The following RMND5A variants were observed in gnomAD, a reference collection of about 807,000 sequenced individuals.
RMND5A encodes the protein E3 ubiquitin-protein transferase RMND5A.
In RMND5A, 17 loss-of-function variants were observed where a neutral mutation model predicts 49.7. That is an observed-to-expected ratio of 0.34 (90% CI 0.23 to 0.51). The LOEUF is 0.51. Among genes scored for constraint, RMND5A ranks in the 20% least tolerant of loss-of-function variants. RMND5A has a pLI of 0.96. For synonymous variants in RMND5A, 156 were observed against 167.7 expected (o/e 0.93, Z 0.54); for missense variants, 255 against 471.3 (o/e 0.54, Z 4.25).
chr2:86,762,161 A>G (rs1672499067), intron 4 of RMND5A, among the ~76,000 whole-genome samples: 4 of 152,246 alleles, frequency 2.6e-5, no homozygotes. Context: ...AGACTGTTAC[A>G]GAAATCACTG....
chr2:86,770,883 C>G (rs1198764832), intron 7 of RMND5A, among the ~76,000 whole-genome samples: 1 of 152,208 alleles, frequency 6.6e-6, no homozygotes, highest in Non-Finnish European at 1.5e-5. Flanking sequence ...CACTGAGGCT[C>G]TGGCCTGGAA....
Position 86,725,890 on chromosome 2 carries a change from T to C in RMND5A, c.142+5081T>C, listed in dbSNP as rs1681280618. Among the ~76,000 whole-genome samples, 3 of 77,808 alleles carry C rather than the reference T, an allele frequency of 3.9e-5. 1 individual carries two copies. 51.0% of individuals were successfully genotyped at this position (77,808 alleles called of 152,430 possible). ...GCACCTAAAACTCCTTTGGTGTGTG[T>C]GTATGTTGTGACTTCTAGTAGTAAA... On this transcript the variant is annotated intron_variant, in intron 1 of 8. Coordinates refer to ENST00000283632, the MANE Select transcript of RMND5A (RefSeq NM_022780.4).
chr2:86,762,693 TATATATCATATATATCATA>T (rs1558725568), intron 4 of RMND5A, among the ~76,000 whole-genome samples: 1 of 5,546 alleles, frequency 1.8e-4, no homozygotes, highest in African/African-American at 6.8e-4. Flanking sequence ...ATATATATCA[TATATATCATATATATCATA>T]TATATCATAT....
At chr2:86,755,484 T>C (rs1249112751) in intron 4 of RMND5A, among the ~76,000 whole-genome samples, 2 of 152,234 alleles carry the variant, frequency 1.3e-5, no homozygotes, top group Non-Finnish European at 2.9e-5. Context: ...GATTAGCAAA[T>C]AATATTTGGG....
chr2:86,753,524 G>T lies in RMND5A; in HGVS notation c.487G>T (p.Ala163Ser), dbSNP rs1291336366. The stretch of plus-strand genomic sequence containing the variant: ...TGTGGAGTTAAATAGAATATTAGAG[G>T]CATTAAAGGTCAGAGTTCTGAGACC... ...PFVELNRILEALKVRVLRPAL... is the reference protein window; with the variant it reads ...PFVELNRILESLKVRVLRPAL... Residue 163 changes from alanine to serine, a missense_variant, in exon 4 of 9, where the codon GCA (alanine) becomes TCA (serine). Ala to Ser is a moderately conservative substitution (Grantham distance 99). Transcript: ENST00000283632. The T allele has an allele frequency of 1.2e-6, 2 of 1,611,044 alleles. No homozygotes were observed. The highest frequency in any genetic ancestry group is 1.7e-6 in the Non-Finnish European group (2 of 1,177,624).
chr2:86,750,968 C>T (rs1311493244), intron 2 of RMND5A, among the ~76,000 whole-genome samples: 2 of 152,014 alleles, frequency 1.3e-5, no homozygotes, highest in Non-Finnish European at 2.9e-5. Context: ...AATAACTGCC[C>T]TAAAGTTTTG....
chr2:86,772,326 A>G (rs1228337978), intron 8 of RMND5A, among the ~76,000 whole-genome samples: 2 of 152,026 alleles, frequency 1.3e-5, no homozygotes, highest in Non-Finnish European at 2.9e-5. Flanking sequence ...GTGGTGGCGG[A>G]CACCTGTAGT....
Position 86,777,246 on chromosome 2 carries a change from G to T in RMND5A, c.*3835G>T, listed in dbSNP as rs1031218055. ...GCTTACAGCACATGCTTTGTTTCAT[G>T]TTATGGGTGAGGACCTACATACACT... is the stretch of plus-strand genomic sequence containing the variant. On this transcript the variant is annotated 3_prime_UTR_variant, in exon 9 of 9. Coordinates refer to ENST00000283632, the MANE Select transcript of RMND5A (RefSeq NM_022780.4). 5 of 152,204 alleles carry T rather than the reference G, an allele frequency of 3.3e-5. No individual in the cohort carries two copies. The highest frequency in any genetic ancestry group is 1.2e-4 in the African/African-American group (5 of 41,444). 9.4% of individuals were successfully genotyped at this position (152,204 alleles called of 1,614,324 possible). A position where few individuals can be genotyped will look rare whatever the true frequency, so the allele number is the denominator to read the frequency against.
intron 5 of RMND5A, 50 bp downstream of exon 5, chr2:86,765,243 C>A: frequency 1.4e-6 from 2 of 1,476,156 alleles, no homozygotes; most frequent in Non-Finnish European, 1.9e-6. Context: ...GCTATAGCCA[C>A]CACTGTAACT....
chr2:86,763,481 G>C (rs540874609), intron 4 of RMND5A, among the ~76,000 whole-genome samples: 8 of 152,100 alleles, frequency 5.3e-5, no homozygotes, highest in Non-Finnish European at 1.0e-4. Flanking sequence ...ACCACTGCCA[G>C]AAGTATTTTG....
intron 6 of RMND5A, among the ~76,000 whole-genome samples, chr2:86,768,918 G>A (rs1029731807): frequency 2.0e-5 from 3 of 152,086 alleles, no homozygotes; most frequent in Non-Finnish European, 4.4e-5. Flanking sequence ...AACCTTTTTT[G>A]GCACTAATGT....
chr2:86,767,067 T>C (rs1333794317), intron 6 of RMND5A, among the ~76,000 whole-genome samples: 5 of 152,154 alleles, frequency 3.3e-5, no homozygotes, highest in African/African-American at 1.2e-4. Context: ...GTTACTTGTT[T>C]TTTTCTTGCT....
In RMND5A at chr2:86,720,508, C is replaced by T; in HGVS notation, c.-160C>T. On this transcript the variant is annotated 5_prime_UTR_variant, in exon 1 of 9. Coordinates refer to ENST00000283632, the MANE Select transcript of RMND5A (RefSeq NM_022780.4). Reference sequence around the variant, plus strand: ...GCAGGCGGGCTCCGGCTGCGCGGGGCTCCCCCGGCGCCGCGGCTAGTGCGC... The same window carrying T: ...GCAGGCGGGCTCCGGCTGCGCGGGGTTCCCCCGGCGCCGCGGCTAGTGCGC... 1 of 352,408 alleles carries T rather than the reference C, an allele frequency of 2.8e-6. No homozygotes were observed. The highest frequency in any genetic ancestry group is 4.5e-6 in the Non-Finnish European group (1 of 222,514). 21.8% of individuals were successfully genotyped at this position (352,408 alleles called of 1,614,324 possible).
intron 2 of RMND5A, among the ~76,000 whole-genome samples, chr2:86,747,629 A>G (rs892500615): frequency 3.3e-5 from 5 of 152,246 alleles, no homozygotes; most frequent in Non-Finnish European, 5.9e-5. Flanking sequence ...GTTTCAAAAT[A>G]CATGTTAATA....
chr2:86,764,704 G>T (rs1672561288), intron 4 of RMND5A, among the ~76,000 whole-genome samples: 1 of 152,176 alleles, frequency 6.6e-6, no homozygotes, highest in African/African-American at 2.4e-5. Context: ...GTGGATCTAG[G>T]CAATTTAATT....
chr2:86,762,695 TATATCATATATATC>T (rs1255647876), intron 4 of RMND5A, among the ~76,000 whole-genome samples: 1 of 5,374 alleles, frequency 1.9e-4, no homozygotes, highest in African/African-American at 7.0e-4. Flanking sequence ...ATATATCATA[TATATCATATATATC>T]ATATATATCA....
chr2:86,745,000 C>G (rs890617190), intron 2 of RMND5A, among the ~76,000 whole-genome samples: 1 of 115,002 alleles, frequency 8.7e-6, no homozygotes, highest in Non-Finnish European at 1.8e-5. Context: ...AATATTTGTT[C>G]TGTGACAATT....
chr2:86,758,551 C>T (rs1238050563), intron 4 of RMND5A, among the ~76,000 whole-genome samples: 1 of 152,168 alleles, frequency 6.6e-6, no homozygotes, highest in Non-Finnish European at 1.5e-5. Flanking sequence ...ATGGTGACCA[C>T]TCCTATGTGT....
intron 4 of RMND5A, among the ~76,000 whole-genome samples, chr2:86,761,858 A>G (rs1672494515): frequency 6.6e-6 from 1 of 152,162 alleles, no homozygotes; most frequent in South Asian, 2.1e-4. Context: ...AGCCTTGTTT[A>G]TAGCAAAATT....
Sources: allele counts gnomAD v4.1 joint callset (sites outside exome capture counted in the v4.1 genomes callset), GRCh38; gene constraint gnomAD v4.1.1; transcripts MANE v1.5; gene names NCBI Gene and HGNC (gene_info 2026-07-23, HGNC 2026-07-21).